NLGN1: variants seen among roughly 807,000 people sequenced by gnomAD.
NLGN1 encodes neuroligin 1.
NLGN1 carries 12 observed loss-of-function variants against 65.5 expected under a neutral mutation model. The ratio of observed to expected loss-of-function variants is 0.18; its 90% CI spans 0.12 to 0.30. The LOEUF (loss-of-function observed/expected upper bound fraction) is 0.30, where lower values mean the gene tolerates loss of function less well. Ranked by LOEUF, NLGN1 falls within the 10% of genes least tolerant of loss-of-function variation. NLGN1 has a pLI of 1.00. For synonymous variants in NLGN1, 350 were observed against 359.5 expected (o/e 0.97, Z 0.30); for missense variants, 750 against 1,007.1 (o/e 0.74, Z 3.46).
intron 4 of NLGN1, among the ~76,000 whole-genome samples, chr3:174,009,849 G>T (rs1332346490): frequency 2.6e-5 from 4 of 152,090 alleles, no homozygotes; most frequent in Non-Finnish European, 2.9e-5. Context: ...GGCAAAAAGG[G>T]TAAGTAGGAT....
intron 1 of NLGN1, among the ~76,000 whole-genome samples, chr3:173,412,311 GACACACACAC>G (rs71162345): frequency 2.1e-4 from 31 of 147,638 alleles, no homozygotes; most frequent in African/African-American, 5.7e-4. Flanking sequence ...CTCTCACTCT[GACACACACAC>G]ACACACACAC....
At chr3:174,259,631 C>A (rs1371036597) in intron 4 of NLGN1, among the ~76,000 whole-genome samples, 1 of 151,944 alleles carries the variant, frequency 6.6e-6, no homozygotes, top group Admixed American at 6.6e-5. Flanking sequence ...GGTTTCAATT[C>A]TAAGAAACTA....
At chr3:174,070,008 T>A (rs890986449) in intron 4 of NLGN1, among the ~76,000 whole-genome samples, 1 of 152,186 alleles carries the variant, frequency 6.6e-6, no homozygotes, top group Non-Finnish European at 1.5e-5. Context: ...TGTACAATAC[T>A]GAGGAGAGAG....
intron 2 of NLGN1, among the ~76,000 whole-genome samples, chr3:173,540,981 T>G (rs1203854191): frequency 1.3e-5 from 2 of 152,140 alleles, no homozygotes; most frequent in South Asian, 2.1e-4. Flanking sequence ...TAATTGAAGA[T>G]GTACTTGGGT....
At chr3:174,014,211 A>G (rs984138754) in intron 4 of NLGN1, among the ~76,000 whole-genome samples, 9 of 152,196 alleles carry the variant, frequency 5.9e-5, no homozygotes, top group Non-Finnish European at 1.3e-4. Flanking sequence ...AAAATAGTCA[A>G]ATCACCTCCA....
At chr3:173,994,004 A>G (rs1721711914) in intron 4 of NLGN1, among the ~76,000 whole-genome samples, 1 of 152,158 alleles carries the variant, frequency 6.6e-6, no homozygotes, top group Non-Finnish European at 1.5e-5. Context: ...TATCGTAAGT[A>G]AATATTCCAG....
chr3:173,766,381 A>G (rs984626609), intron 3 of NLGN1, among the ~76,000 whole-genome samples: 1 of 151,790 alleles, frequency 6.6e-6, no homozygotes, highest in Admixed American at 6.6e-5. Context: ...GAGCCACTGC[A>G]CCCAGCCTCA....
chr3:173,810,293 G>A (rs1440725613), intron 4 of NLGN1, among the ~76,000 whole-genome samples: 1 of 152,210 alleles, frequency 6.6e-6, no homozygotes, highest in Non-Finnish European at 1.5e-5. Context: ...AGACTTTTGA[G>A]ATTGATGTTG....
intron 4 of NLGN1, among the ~76,000 whole-genome samples, chr3:174,264,762 ATTTT>A (rs1747678193): frequency 6.6e-6 from 1 of 151,760 alleles, no homozygotes; most frequent in Admixed American, 6.6e-5. Flanking sequence ...AGGCGCTCTG[ATTTT>A]TAGAGTTTCC....
chr3:174,280,242 C>A lies in NLGN1; in HGVS notation c.1650-239C>A, dbSNP rs1751310531. On this transcript the variant is annotated intron_variant, in intron 6 of 6. Coordinates refer to ENST00000457714, the Ensembl canonical transcript of NLGN1. This position sits in a 1 kb window ranked among gnomAD's most constrained non-coding sequence, Gnocchi z 4.9. ...TTCTTTAAAATCTTTGGGTAGATAG[C>A]AGCCCATCTCAGGATAAGCAGAGAG... Among the ~76,000 whole-genome samples the A allele has an allele frequency of 6.6e-6, 1 of 151,918 alleles. No individual in the cohort carries two copies. The highest frequency in any genetic ancestry group is 2.4e-5 in the African/African-American group (1 of 41,390).
At chr3:173,517,750 TTATCTATCTATC>T (rs368708618) in intron 2 of NLGN1, among the ~76,000 whole-genome samples, 1,982 of 147,224 alleles carry the variant, frequency 0.013, 38 homozygotes, top group African/African-American at 0.044. Flanking sequence ...TTTCGCAAAT[TTATCTATCTATC>T]TATCTATCTA....
chr3:173,840,820 G>A (rs1000597631), intron 4 of NLGN1, among the ~76,000 whole-genome samples: 69 of 152,158 alleles, frequency 4.5e-4, no homozygotes, highest in African/African-American at 1.6e-3. Flanking sequence ...CCACAGTGCA[G>A]CTACAACTTT....
At chr3:173,898,992 A>C (rs1736846343) in intron 4 of NLGN1, among the ~76,000 whole-genome samples, 1 of 152,174 alleles carries the variant, frequency 6.6e-6, no homozygotes, top group Admixed American at 6.6e-5. Flanking sequence ...AGTTCTTTCC[A>C]AGAATAATAA....
At chr3:173,731,554 AT>A (rs754768431) in intron 3 of NLGN1, among the ~76,000 whole-genome samples, 1 of 152,082 alleles carries the variant, frequency 6.6e-6, no homozygotes, top group Non-Finnish European at 1.5e-5. Context: ...TTGTGTAGCT[AT>A]TACAGCAGGC....
At chr3:173,846,920 A>G (rs931487469) in intron 4 of NLGN1, among the ~76,000 whole-genome samples, 1 of 152,214 alleles carries the variant, frequency 6.6e-6, no homozygotes, top group African/African-American at 2.4e-5. Flanking sequence ...GTTTATATCT[A>G]AATAAATCAA....
Position 173,517,743 on chromosome 3 carries a change from C to T in NLGN1, c.-321+82665C>T, listed in dbSNP as rs543137733. On this transcript the variant is annotated intron_variant, in intron 2 of 6. Coordinates refer to ENST00000457714, the Ensembl canonical transcript of NLGN1. ...AATGCACTTTTCTGCACTTTGCTTTCGCAAATTTATCTATCTATCTATCTA... is the reference window on the plus strand; with the variant it reads ...AATGCACTTTTCTGCACTTTGCTTTTGCAAATTTATCTATCTATCTATCTA... 9.0e-5 allele frequency among the ~76,000 whole-genome samples: 12 copies of T among 132,952 alleles called. No individual in the cohort carries two copies. In the East Asian group the frequency reaches 1.2e-3, roughly 14 times the overall value. 87.2% of individuals were successfully genotyped at this position (132,952 alleles called of 152,430 possible). A position where few individuals can be genotyped will look rare whatever the true frequency, so the allele number is the denominator to read the frequency against.
At chr3:173,637,917 C>T (rs924480499) in intron 3 of NLGN1, among the ~76,000 whole-genome samples, 10 of 152,114 alleles carry the variant, frequency 6.6e-5, no homozygotes, top group South Asian at 2.1e-4. Context: ...TCACCAGAGA[C>T]GGCGTTTCAT....
chr3:173,798,062 T>C (rs369197482), intron 3 of NLGN1, among the ~76,000 whole-genome samples: 10 of 152,112 alleles, frequency 6.6e-5, no homozygotes, highest in Admixed American at 4.6e-4. Flanking sequence ...AGAGCTCTTA[T>C]AGAGCCCCGA....
At chr3:173,503,606 T>C (rs1731523037) in intron 2 of NLGN1, among the ~76,000 whole-genome samples, 3 of 152,124 alleles carry the variant, frequency 2.0e-5, no homozygotes, top group African/African-American at 7.2e-5. Flanking sequence ...GTTGATAAAT[T>C]TGGCCTACTA....
Sources: gnomAD v4.1 joint callset for allele counts (sites outside exome capture counted in the v4.1 genomes callset) on GRCh38, gnomAD v4.1.1 for gene constraint, Gnocchi (gnomAD v3.1) non-coding constraint, MANE v1.5 for transcripts, NCBI Gene and HGNC (gene_info 2026-07-23, HGNC 2026-07-21) for gene names.